The following COL9A3 variants were observed in gnomAD, a reference collection of about 807,000 sequenced individuals.
COL9A3 encodes collagen alpha-3(IX) chain.
In COL9A3, 82 loss-of-function variants were observed where a neutral mutation model predicts 110.2. The ratio of observed to expected loss-of-function variants is 0.74; its 90% CI spans 0.62 to 0.89. The LOEUF (loss-of-function observed/expected upper bound fraction) is 0.89, where lower values mean the gene tolerates loss of function less well. COL9A3 is among the 40% of genes least tolerant of loss of function. The probability of loss-of-function intolerance (pLI) is 0.00; values close to 1 mark genes in which losing one functional copy is unlikely to be tolerated. For synonymous variants in COL9A3, 494 were observed against 403.8 expected, an observed-to-expected ratio of 1.22 and a Z score of -2.68; for missense variants, 1,066 against 981.3, an observed-to-expected ratio of 1.09 and a Z score of -1.15.
intron 19 of COL9A3, 139 bp from the exon 20 acceptor site, chr20:62,829,316 C>T (rs1159458404): frequency 7.6e-6 from 9 of 1,184,574 alleles, no homozygotes; most frequent in Admixed American, 4.3e-5. Flanking sequence ...ACCTCAGGTC[C>T]ACAAGGCTGG....
intron 26 of COL9A3, 86 bp from the exon 27 acceptor site, chr20:62,835,835 G>A (rs2063630463): frequency 7.3e-7 from 1 of 1,371,362 alleles, no homozygotes; most frequent in Non-Finnish European, 1.0e-6. Flanking sequence ...GTGTGTGGAT[G>A]ATTTGATTTA....
rs370933849 is a variant in COL9A3, at chr20:62,821,199, G to A, written c.328G>A (p.Gly110Arg). The change falls in exon 6 of 32, where the codon GGG becomes AGG. Residue 110 changes from glycine (G) to arginine (R), a missense_variant. Coordinates refer to ENST00000649368, the MANE Select transcript of COL9A3 (RefSeq NM_001853.4). ...CCCACAGGGAAGTCTGGGACCCCCG[G>A]GGCCGCCCGGGCTGGGGGTGAGTAT... ...PGERGSLGPP[G>R]PPGLGGKGLP... 6.2e-7 allele frequency: 1 copy of A among 1,613,330 alleles called. No individual in the cohort carries two copies. Among genetic ancestry groups the A allele is most frequent in the African/African-American group, 1.3e-5 (1 of 75,034 alleles).
chr20:62,834,479 G>A (rs550512201), intron 26 of COL9A3, among the ~76,000 whole-genome samples: 3 of 152,316 alleles, frequency 2.0e-5, no homozygotes, highest in East Asian at 3.9e-4. Flanking sequence ...TGGCTTTCCC[G>A]AGGGGGGTTT....
rs779116701 is a variant in COL9A3, at chr20:62,817,090, C to T, written c.26C>T (p.Pro9Leu). ...ATGGCCGGGCCGCGCGCGTGCGCCC[C>T]GCTCCTGCTCCTGCTCCTGCTCGGG... is the stretch of plus-strand genomic sequence containing the variant. MAGPRACA[P>L]LLLLLLLGEL... Residue 9 changes from proline (P) to leucine (L), a missense_variant, in exon 1 of 32, where the codon CCG (proline) becomes CTG (leucine). Pro to Leu is a moderately conservative substitution (Grantham distance 98). Transcript: ENST00000649368. The T allele has an allele frequency of 1.3e-5, 18 of 1,394,778 alleles. No homozygotes were observed. The highest frequency in any genetic ancestry group is 4.3e-5 in the South Asian group (3 of 70,514). 86.4% of individuals were successfully genotyped at this position (1,394,778 alleles called of 1,614,324 possible).
rs183899937 is a variant in COL9A3 at position 62,835,964 on chromosome 20, G to A, written c.1401+11G>A. On this transcript the variant is annotated intron_variant, in intron 27 of 31. Transcript: ENST00000649368. ...GGACCCAAAGGAGAGGTGAGTGCCC[G>A]GCGACTGTTCCGATGACACCATCCA... The A allele has an allele frequency of 1.9e-5, 30 of 1,614,064 alleles. No homozygotes were observed. The highest frequency in any genetic ancestry group is 1.6e-4 in the Middle Eastern group (1 of 6,084).
chr20:62,816,943 G>T, upstream of COL9A3: 2 of 503,430 alleles, frequency 4.0e-6, no homozygotes, highest in Non-Finnish European at 5.7e-6. Context: ...AGGTGGGCCC[G>T]GCTGAATGGG....
Position 62,822,266 on chromosome 20 carries a change from T to C in COL9A3, c.477+102T>C, listed in dbSNP as rs143183416. On this transcript the variant is annotated intron_variant, in intron 9 of 31. Coordinates refer to ENST00000649368, the MANE Select transcript of COL9A3 (RefSeq NM_001853.4). ...CCCCAGGCTCCATGCCCCTCCGAGA[T>C]CTCCTAACCCTAACTTGGCCACTCC... 9.8e-4 allele frequency: 783 copies of C among 801,166 alleles called. 10 individuals carry two copies. The East Asian group carries it at 0.018, about 19-fold the overall frequency. The allele number at this position is 801,166 out of a possible 1,614,324, so 49.6% of individuals were successfully genotyped here. A position where few individuals can be genotyped will look rare whatever the true frequency, so the allele number is the denominator to read the frequency against.
intron 26 of COL9A3, 84 bp downstream of exon 26, chr20:62,833,148 T>C: frequency 1.8e-6 from 2 of 1,127,702 alleles, no homozygotes; most frequent in Non-Finnish European, 2.7e-6. Context: ...GGGGACAGGG[T>C]CAAAATCTGC....
At chr20:62,834,310 C>T (rs556304162) in intron 26 of COL9A3, among the ~76,000 whole-genome samples, 19 of 152,342 alleles carry the variant, frequency 1.2e-4, no homozygotes, top group Middle Eastern at 3.4e-3. Flanking sequence ...GTGTCAGGCC[C>T]ACAGCTGGTT....
rs796615672 is a variant in COL9A3, at chr20:62,821,369, T to C, written c.346-138T>C. The C allele has an allele frequency of 3.4e-5, 46 of 1,356,074 alleles. No individual in the cohort carries two copies. The African/African-American group carries it at 5.9e-4, about 17-fold the overall frequency. 84.0% of individuals were successfully genotyped at this position (1,356,074 alleles called of 1,614,324 possible). ...GGCTGGTGCCTGGATGGGGTCCTGG[T>C]GCCCTCTCTGGGCTGGGACCAGACA... On this transcript the variant is annotated intron_variant, in intron 6 of 31. Transcript: ENST00000649368.
At chr20:62,818,375 A>C in intron 2 of COL9A3, 143 bp from the exon 3 acceptor site, 1 of 797,384 alleles carries the variant, frequency 1.3e-6, no homozygotes, top group Non-Finnish European at 2.2e-6. Flanking sequence ...CTAGGTAGGG[A>C]TCGGGGGCTC....
chr20:62,824,880 G>T, intron 11 of COL9A3, 88 bp from the exon 12 acceptor site: 1 of 1,389,696 alleles, frequency 7.2e-7, no homozygotes, highest in South Asian at 1.2e-5. Context: ...GCCCTGGGCT[G>T]ACTGACCCTG....
At chr20:62,828,683 G>T in intron 17 of COL9A3, 81 bp from the exon 18 acceptor site, 2 of 1,491,696 alleles carry the variant, frequency 1.3e-6, no homozygotes, top group East Asian at 2.3e-5. Context: ...TGATGGGGAA[G>T]GAGGCTGCCC....
chr20:62,817,826 A>G, intron 2 of COL9A3, 191 bp downstream of exon 2: 1 of 676,720 alleles, frequency 1.5e-6, no homozygotes. Context: ...GTAGGGGTGG[A>G]GGGTGTCATG....
chr20:62,827,988 T>G lies in COL9A3; in HGVS notation c.900+12T>G, dbSNP rs969646909. 6 of 1,612,554 alleles carry G rather than the reference T, an allele frequency of 3.7e-6. No homozygotes were observed. In the South Asian group the frequency reaches 5.5e-5, roughly 15 times the overall value. On this transcript the variant is annotated intron_variant, in intron 17 of 31. Coordinates refer to ENST00000649368, the MANE Select transcript of COL9A3 (RefSeq NM_001853.4). ...CAAGCGGAGAGCCGGTGAGTGCACGTGGCTGCTCATGGAATGCTCCTCCCC... is the reference window on the plus strand; with the variant it reads ...CAAGCGGAGAGCCGGTGAGTGCACGGGGCTGCTCATGGAATGCTCCTCCCC...
chr20:62,835,648 TG>T (rs933261008), intron 26 of COL9A3, among the ~76,000 whole-genome samples: 6 of 152,100 alleles, frequency 3.9e-5, no homozygotes, highest in Non-Finnish European at 8.8e-5. Flanking sequence ...GAAAAAGGAA[TG>T]GAAGCAAAGT....
Position 62,818,553 on chromosome 20 carries a change from G to A in COL9A3, c.183G>A (p.Pro61=), listed in dbSNP as rs567371176. The A allele has an allele frequency of 8.7e-6, 14 of 1,612,786 alleles. No individual in the cohort carries two copies. The highest frequency in any genetic ancestry group is 5.0e-5 in the Admixed American group (3 of 60,002). Residue 61 remains proline (P), a splice_region_variant and synonymous_variant, in exon 3 of 32, where the codon CCG becomes CCA. Transcript: ENST00000649368. ...EAGPPGLPGP[P]GPKGAPGKPG... is the part of the protein sequence containing the mutation. Reference sequence around the variant, plus strand: ...GTCCTCCAGGTCTGCCTGGGCCCCCGGTGAGTGTCCCTGGCTGGGGAGACA... The same window carrying A: ...GTCCTCCAGGTCTGCCTGGGCCCCCAGTGAGTGTCCCTGGCTGGGGAGACA...
At chr20:62,835,897 A>G (rs1265627555) in intron 26 of COL9A3, 24 bp from the exon 27 acceptor site, 1 of 1,614,184 alleles carries the variant, frequency 6.2e-7, no homozygotes, top group Admixed American at 1.7e-5. Context: ...ACTTAGTTCA[A>G]ACACACAACT....
At position 62,840,988 on chromosome 20, in the gene COL9A3, GGTT is replaced by G. The variant is rs1367070855; in HGVS notation, c.*259_*261del. ...GAAGGTAGGGTGTGTATATATAAAA[GGTT>G]GTGTACAACTCCACGAGGTGAAAAA... On this transcript the variant is annotated 3_prime_UTR_variant, in exon 32 of 32. Coordinates refer to ENST00000649368, the MANE Select transcript of COL9A3 (RefSeq NM_001853.4). 7.9e-6 allele frequency: 4 copies of G among 506,020 alleles called. No individual in the cohort carries two copies. The highest frequency in any genetic ancestry group is 1.4e-5 in the Non-Finnish European group (4 of 278,842). The allele number at this position is 506,020 out of a possible 1,614,324, so 31.3% of individuals were successfully genotyped here.
Sources: allele counts gnomAD v4.1 joint callset (sites outside exome capture counted in the v4.1 genomes callset), GRCh38; gene constraint gnomAD v4.1.1; transcripts MANE v1.5; gene names NCBI Gene and HGNC (gene_info 2026-07-23, HGNC 2026-07-21).